Variants in SYNCRIP observed in about 807,000 individuals in gnomAD.
The protein encoded by SYNCRIP is heterogeneous nuclear ribonucleoprotein Q.
A neutral mutation model predicts 68.9 loss-of-function variants in SYNCRIP; 9 were observed. That is an observed-to-expected ratio of 0.13 (90% CI 0.08 to 0.23). The LOEUF is 0.23. Ranked by LOEUF, SYNCRIP falls within the 10% of genes least tolerant of loss-of-function variation. SYNCRIP has a pLI of 1.00. For missense variants in SYNCRIP, 414 were observed against 770.6 expected (o/e 0.54, Z 5.48); for synonymous variants, 258 against 254.0 (o/e 1.02, Z -0.15).
chr6:85,610,541 CAA>C (rs1006609981), downstream of SYNCRIP: 2 of 151,992 alleles, frequency 1.3e-5, no homozygotes, highest in Admixed American at 6.6e-5. Flanking sequence ...TGTGAACTCA[CAA>C]AAGTGTTCCT....
Position 85,614,823 on chromosome 6 carries a change from C to A in SYNCRIP, c.1805G>T (p.Gly602Val), listed in dbSNP as rs766018796. Residue 602 changes from glycine to valine, a missense_variant, in exon 11 of 11, where the codon GGT becomes GTT. Coordinates refer to ENST00000369622, the MANE Select transcript of SYNCRIP (RefSeq NM_006372.5). ...QQPLQGGDHS[G>V]NYGYKSENQE... ...GTTTTCAGATTTGTAACCATAGTTA[C>A]CAGAATGATCACCACCTTGGAGCGG... The A allele has an allele frequency of 6.2e-7, 1 of 1,613,628 alleles. No homozygotes were observed. The highest frequency in any genetic ancestry group is 1.1e-5 in the South Asian group (1 of 90,996).
chr6:85,640,651 G>A, intron 2 of SYNCRIP, 87 bp from the exon 3 acceptor site: 1 of 722,730 alleles, frequency 1.4e-6, no homozygotes, highest in Non-Finnish European at 2.2e-6. Context: ...GTACATGTGT[G>A]CCTTTACAAT....
intron 8 of SYNCRIP, among the ~76,000 whole-genome samples, chr6:85,622,182 A>G (rs758723366): frequency 1.4e-4 from 21 of 151,986 alleles, no homozygotes; most frequent in Non-Finnish European, 2.5e-4. Flanking sequence ...GACCAGTCTG[A>G]CCAACATGGT....
Position 85,622,485 on chromosome 6 carries a change from T to C in SYNCRIP, c.1005A>G (p.Ala335=). 6.2e-7 allele frequency: 1 copy of C among 1,613,972 alleles called. No individual in the cohort carries two copies. The highest frequency in any genetic ancestry group is 8.5e-7 in the Non-Finnish European group (1 of 1,179,974). The change falls in exon 8 of 11, where the codon GCA becomes GCG. Residue 335 remains alanine, a synonymous_variant. Transcript: ENST00000369622. ...PIEDPDPEVM[A]KVKVLFVRNL... is the part of the protein sequence containing the mutation. ...TTTTTAACTTGACTATCATTACCTTTGCCATAACCTCAGGATCAGGATCTT... is the reference window on the plus strand; with the variant it reads ...TTTTTAACTTGACTATCATTACCTTCGCCATAACCTCAGGATCAGGATCTT...
At chr6:85,633,098 CA>C (rs553334062) in intron 6 of SYNCRIP, among the ~76,000 whole-genome samples, 1 of 150,482 alleles carries the variant, frequency 6.6e-6, no homozygotes, top group East Asian at 2.0e-4. Context: ...TAAAAAAATA[CA>C]AAAAAAATTA....
rs1808633900 is a variant in SYNCRIP at position 85,637,866 on chromosome 6, C to T, written c.376-510G>A. The stretch of plus-strand genomic sequence containing the variant: ...TGGGAGCTACAGGGAAAAAAAATCT[C>T]CTATTATTATTTGACATTTACGTGC... On this transcript the variant is annotated intron_variant, in intron 4 of 10. Transcript: ENST00000369622. Among the ~76,000 whole-genome samples the T allele has an allele frequency of 2.0e-5, 3 of 152,252 alleles. 1 individual carries two copies. The South Asian group carries it at 6.2e-4, about 32-fold the overall frequency.
At chr6:85,623,433 G>A (rs1438537019) in intron 7 of SYNCRIP, among the ~76,000 whole-genome samples, 2 of 151,350 alleles carry the variant, frequency 1.3e-5, no homozygotes, top group African/African-American at 2.4e-5. Context: ...GTGTGGTGGT[G>A]CGCGCCTGTA....
chr6:85,610,028 C>T (rs1037320895), downstream of SYNCRIP: 8 of 151,908 alleles, frequency 5.3e-5, no homozygotes, highest in Non-Finnish European at 1.0e-4. Flanking sequence ...TTTCTCATAT[C>T]CCATGACATT....
At chr6:85,616,375 C>T (rs1012474484) in intron 10 of SYNCRIP, among the ~76,000 whole-genome samples, 3 of 152,106 alleles carry the variant, frequency 2.0e-5, no homozygotes, top group African/African-American at 4.8e-5. Context: ...ACCCAGGCTG[C>T]AATGCAGTGG....
At chr6:85,633,031 T>C (rs1221101323) in intron 6 of SYNCRIP, among the ~76,000 whole-genome samples, 2 of 148,126 alleles carry the variant, frequency 1.4e-5, no homozygotes, top group African/African-American at 5.0e-5. Context: ...GGCGGGTGAA[T>C]CACAAGGTCA....
chr6:85,628,511 C>T (rs948803779), intron 6 of SYNCRIP, among the ~76,000 whole-genome samples: 32 of 152,188 alleles, frequency 2.1e-4, no homozygotes, highest in African/African-American at 7.5e-4. Flanking sequence ...CATTGCTTCC[C>T]TGATAATGGC....
chr6:85,611,488 T>C (rs1805239148), downstream of SYNCRIP: 1 of 152,454 alleles, frequency 6.6e-6, no homozygotes, highest in Non-Finnish European at 1.5e-5. Context: ...TGGTGCCTAT[T>C]GGGTATGTGA....
chr6:85,610,793 A>C (rs1805176031), downstream of SYNCRIP: 1 of 152,098 alleles, frequency 6.6e-6, no homozygotes, highest in Non-Finnish European at 1.5e-5. Context: ...CATTTAGTTT[A>C]CCCACTTTCC....
At chr6:85,608,751 G>C (rs1322177239) in exon 12 of SYNCRIP, 1 of 151,974 alleles carries the variant, frequency 6.6e-6, no homozygotes. Context: ...CTTTGACCCA[G>C]AGCGTTAGTA....
At position 85,615,051 on chromosome 6, in the gene SYNCRIP, C is replaced by T; in HGVS notation, c.1577G>A (p.Arg526Lys). The change falls in exon 11 of 11, where the codon AGA (arginine) becomes AAA (lysine). Residue 526 changes from arginine (R) to lysine (K), a missense_variant. Arg to Lys is a conservative substitution (Grantham distance 26, BLOSUM62 2). Transcript: ENST00000369622. ...GCCTCTTGCTGATCCAGGACCTCCT[C>T]TCTGTGAATAACCGGCTCTACCGCG... Reference protein sequence around the residue: ...PPRGRAGYSQRGGPGSARGVR... With the variant: ...PPRGRAGYSQKGGPGSARGVR... 6.2e-7 allele frequency: 1 copy of T among 1,614,142 alleles called. No homozygotes were observed. Among genetic ancestry groups the T allele is most frequent in the Non-Finnish European group, 8.5e-7 (1 of 1,180,026 alleles).
At chr6:85,624,161 G>A (rs141174716) in intron 6 of SYNCRIP, 49 bp from the exon 7 acceptor site, 5 of 1,545,734 alleles carry the variant, frequency 3.2e-6, no homozygotes, top group South Asian at 2.3e-5. Context: ...TATACAACTA[G>A]AACAGTTAAT....
intron 4 of SYNCRIP, among the ~76,000 whole-genome samples, chr6:85,639,118 G>A (rs1442382819): frequency 6.6e-6 from 1 of 152,172 alleles, no homozygotes; most frequent in Non-Finnish European, 1.5e-5. Context: ...TGAGGCAGGA[G>A]AATTGCTCGA....
upstream of SYNCRIP, chr6:85,643,738 G>A (rs892793307): frequency 1.3e-5 from 2 of 151,820 alleles, no homozygotes; most frequent in East Asian, 1.9e-4. Context: ...CCGCTTCCCG[G>A]AGGGCACCCA....
At chr6:85,612,801 C>T (rs548827448), downstream of SYNCRIP, 36 of 1,486,686 alleles carry the variant, frequency 2.4e-5, no homozygotes, top group African/African-American at 2.8e-5. Context: ...CCTATACAGC[C>T]GACATATTTA....
Sources: gnomAD v4.1 joint callset for allele counts (sites outside exome capture counted in the v4.1 genomes callset) on GRCh38, gnomAD v4.1.1 for gene constraint, MANE v1.5 for transcripts, NCBI Gene and HGNC (gene_info 2026-07-23, HGNC 2026-07-21) for gene names.